The following ZFYVE27 variants were observed in gnomAD, a reference collection of about 807,000 sequenced individuals.
The protein encoded by ZFYVE27 is zinc finger FYVE-type containing 27.
In ZFYVE27, 36 loss-of-function variants were observed where a neutral mutation model predicts 52.8. The observed-to-expected ratio is 0.68, with a 90% CI of 0.52 to 0.90. ZFYVE27 has a LOEUF of 0.90. Among genes scored for constraint, ZFYVE27 ranks in the 40% least tolerant of loss-of-function variants. ZFYVE27 has a pLI of 0.00. For synonymous variants in ZFYVE27, 223 were observed against 215.6 expected (o/e 1.03, Z -0.30); for missense variants, 450 against 527.2 (o/e 0.85, Z 1.43).
chr10:97,754,282 T>C (rs2047761255), intron 10 of ZFYVE27, among the ~76,000 whole-genome samples: 1 of 151,344 alleles, frequency 6.6e-6, no homozygotes, highest in South Asian at 2.1e-4. Flanking sequence ...TTCTTTCTGC[T>C]GTGTGAATGT....
intron 4 of ZFYVE27, among the ~76,000 whole-genome samples, chr10:97,745,445 C>T (rs1359598318): frequency 6.6e-6 from 1 of 152,144 alleles, no homozygotes; most frequent in Non-Finnish European, 1.5e-5. Flanking sequence ...TCCCAAAATG[C>T]TGGAATTACA....
At chr10:97,754,296 C>G (rs1253322077) in intron 10 of ZFYVE27, among the ~76,000 whole-genome samples, 2 of 149,412 alleles carry the variant, frequency 1.3e-5, no homozygotes, top group Non-Finnish European at 3.0e-5. Flanking sequence ...TGAATGTCCC[C>G]CAGTTATTCA....
chr10:97,748,249 C>T lies in ZFYVE27; in HGVS notation c.456-20C>T. On this transcript the variant is annotated intron_variant, in intron 4 of 12. Transcript: ENST00000684270. ...CAGGGCTTCTGTCCTGCCCACTCAC[C>T]AAAGCCCCTGTGTCTGTAGCTTGAT... 1 of 1,613,182 alleles carries T rather than the reference C, an allele frequency of 6.2e-7. No homozygotes were observed. The highest frequency in any genetic ancestry group is 8.5e-7 in the Non-Finnish European group (1 of 1,179,622).
chr10:97,756,641 T>C (rs1351806117), intron 10 of ZFYVE27, among the ~76,000 whole-genome samples: 1 of 152,208 alleles, frequency 6.6e-6, no homozygotes, highest in Non-Finnish European at 1.5e-5. Context: ...CATCTTGGCA[T>C]CTCTGGTGGT....
chr10:97,751,668 G>A (rs868201215), intron 8 of ZFYVE27, among the ~76,000 whole-genome samples: 16 of 152,236 alleles, frequency 1.1e-4, no homozygotes, highest in South Asian at 2.1e-4. Context: ...CAGGGCAAGA[G>A]TGGCTCTGGA....
intron 12 of ZFYVE27, chr10:97,758,013 A>AC: frequency 3.1e-6 from 1 of 325,806 alleles, no homozygotes. Context: ...AGCTCCCAGC[A>AC]CTGCTCCTGC....
chr10:97,759,486 C>G lies in ZFYVE27; in HGVS notation c.*186C>G. ...AGCTGTTCTCCATCCATGAGAGTGGCTGGCAATGGCTGCTCTCAATCCCTT... is the reference window on the plus strand; with the variant it reads ...AGCTGTTCTCCATCCATGAGAGTGGGTGGCAATGGCTGCTCTCAATCCCTT... On this transcript the variant is annotated 3_prime_UTR_variant, in exon 13 of 13. Coordinates refer to ENST00000684270, the MANE Select transcript of ZFYVE27 (RefSeq NM_001385875.1). The G allele has an allele frequency of 2.9e-6, 2 of 678,274 alleles. No homozygotes were observed. The highest frequency in any genetic ancestry group is 3.3e-5 in the South Asian group (2 of 61,138). The allele number at this position is 678,274 out of a possible 1,614,324, so 42.0% of individuals were successfully genotyped here. A position where few individuals can be genotyped will look rare whatever the true frequency, so the allele number is the denominator to read the frequency against.
intron 12 of ZFYVE27, 140 bp from the exon 13 acceptor site, chr10:97,759,096 G>T (rs541123968): frequency 3.5e-6 from 3 of 851,550 alleles, no homozygotes; most frequent in Middle Eastern, 4.4e-4. Context: ...ATCTCTGCGG[G>T]CAGGCTAGCA....
intron 4 of ZFYVE27, among the ~76,000 whole-genome samples, chr10:97,745,264 C>T (rs995889318): frequency 1.3e-5 from 2 of 151,992 alleles, no homozygotes; most frequent in African/African-American, 4.8e-5. Context: ...GCAACCTCCG[C>T]CTTCCATTGG....
chr10:97,747,445 C>T (rs1225937393), intron 4 of ZFYVE27, among the ~76,000 whole-genome samples: 2 of 152,184 alleles, frequency 1.3e-5, no homozygotes, highest in African/African-American at 4.8e-5. Flanking sequence ...CAGTTTATTA[C>T]TATGATGGTT....
intron 4 of ZFYVE27, among the ~76,000 whole-genome samples, chr10:97,746,056 T>A (rs921414410): frequency 6.9e-6 from 1 of 144,926 alleles, no homozygotes; most frequent in East Asian, 2.0e-4. Flanking sequence ...TATATATTTT[T>A]TTTTTTTTTT....
At chr10:97,739,279 G>C (rs1283641561) in intron 2 of ZFYVE27, among the ~76,000 whole-genome samples, 1 of 151,062 alleles carries the variant, frequency 6.6e-6, no homozygotes, top group African/African-American at 2.4e-5. Flanking sequence ...GTGTTGCCCA[G>C]GCTGGTCTTG....
chr10:97,741,920 C>G (rs1212153040), intron 2 of ZFYVE27, among the ~76,000 whole-genome samples: 2 of 152,106 alleles, frequency 1.3e-5, no homozygotes, highest in African/African-American at 4.8e-5. Flanking sequence ...CACCTGAGGT[C>G]AGGAGTTTGA....
At chr10:97,752,816 C>T in intron 8 of ZFYVE27, 41 bp from the exon 9 acceptor site, 1 of 1,609,884 alleles carries the variant, frequency 6.2e-7, no homozygotes, top group Non-Finnish European at 8.5e-7. Context: ...CTATCTTTTT[C>T]TTTCTGTTTT....
In ZFYVE27 at chr10:97,743,327, A is replaced by C. The variant is rs537327063; in HGVS notation, c.268+163A>C. On this transcript the variant is annotated intron_variant, in intron 3 of 12. Transcript: ENST00000684270. ...GAAACAGCCTCCAGAGGGACGATCCAGGCTGAGCTGCCTGCTGTGACCTTG... is the reference window on the plus strand; with the variant it reads ...GAAACAGCCTCCAGAGGGACGATCCCGGCTGAGCTGCCTGCTGTGACCTTG... Among the ~76,000 whole-genome samples the C allele has an allele frequency of 3.3e-5, 5 of 152,326 alleles. 1 individual carries two copies. The East Asian group carries it at 7.7e-4, about 24-fold the overall frequency.
chr10:97,752,841 G>A lies in ZFYVE27; in HGVS notation c.877-16G>A, dbSNP rs774721726. 17 of 1,583,706 alleles carry A rather than the reference G, an allele frequency of 1.1e-5. No individual in the cohort carries two copies. The highest frequency in any genetic ancestry group is 4.4e-5 in the South Asian group (4 of 90,676). ...CTTTCTGTTTTCTCTCCTCTTCCCC[G>A]CACCTTGGGAGGCAGGAGACCCACT... On this transcript the variant is annotated splice_polypyrimidine_tract_variant and intron_variant, in intron 8 of 12. Transcript: ENST00000684270.
At chr10:97,739,788 C>T (rs1193414265) in intron 2 of ZFYVE27, among the ~76,000 whole-genome samples, 1 of 152,018 alleles carries the variant, frequency 6.6e-6, no homozygotes, top group Non-Finnish European at 1.5e-5. Context: ...AACTGACTTT[C>T]CTGGAGAATT....
intron 10 of ZFYVE27, 117 bp downstream of exon 10, chr10:97,753,299 A>T: frequency 1.4e-6 from 2 of 1,449,898 alleles, no homozygotes; most frequent in Non-Finnish European, 1.9e-6. Context: ...CTGACTTGTG[A>T]CAAGAGCAGG....
rs375581269 is a variant in ZFYVE27, at chr10:97,750,692, A to C, written c.804+222A>C. On this transcript the variant is annotated intron_variant, in intron 7 of 12. Transcript: ENST00000684270. ...AGATGCTGCTCCAAGTGCTTTATAG[A>C]TAGATATTCACATCATGGAGTGCAG... Among the ~76,000 whole-genome samples, 8 of 151,538 alleles carry C rather than the reference A, an allele frequency of 5.3e-5. 1 individual carries two copies. Among genetic ancestry groups the C allele is most frequent in the African/African-American group, 1.9e-4 (8 of 41,300 alleles).
Sources: allele counts gnomAD v4.1 joint callset (sites outside exome capture counted in the v4.1 genomes callset), GRCh38; gene constraint gnomAD v4.1.1; transcripts MANE v1.5; gene names NCBI Gene and HGNC (gene_info 2026-07-23, HGNC 2026-07-21).